ADGRB3: variants seen among roughly 807,000 people sequenced by gnomAD.
ADGRB3 encodes brain-specific angiogenesis inhibitor 3.
In ADGRB3, 37 loss-of-function variants were observed where a neutral mutation model predicts 193.4. The observed-to-expected ratio is 0.19, with a 90% CI of 0.15 to 0.25. The LOEUF (loss-of-function observed/expected upper bound fraction) is 0.25, where lower values mean the gene tolerates loss of function less well. Among genes scored for constraint, ADGRB3 ranks in the 10% least tolerant of loss-of-function variants. The probability of loss-of-function intolerance (pLI) is 1.00; values close to 1 mark genes in which losing one functional copy is unlikely to be tolerated. For missense variants in ADGRB3, 1,637 were observed against 1,852.9 expected, an observed-to-expected ratio of 0.88 and a Z score of 2.14; for synonymous variants, 690 against 644.2, an observed-to-expected ratio of 1.07 and a Z score of -1.08.
chr6:69,060,676 G>C lies in ADGRB3; in HGVS notation c.2334-2258G>C, dbSNP rs551551398. ...GAATAAAGAGACAAATGGAATTTGA[G>C]TGAAGCATCAATATTTTTGTTTTGC... On this transcript the variant is annotated intron_variant, in intron 15 of 31. Coordinates refer to ENST00000370598, the MANE Select transcript of ADGRB3 (RefSeq NM_001704.3). Among the ~76,000 whole-genome samples the C allele has an allele frequency of 3.3e-5, 5 of 152,194 alleles. No homozygotes were observed. The East Asian group carries it at 9.7e-4, about 29-fold the overall frequency.
At chr6:69,186,432 G>C (rs1450704326) in intron 17 of ADGRB3, among the ~76,000 whole-genome samples, 1 of 151,628 alleles carries the variant, frequency 6.6e-6, no homozygotes, top group Non-Finnish European at 1.5e-5. Context: ...TTTCTGTAAA[G>C]CCTTCCCTCC....
intron 6 of ADGRB3, among the ~76,000 whole-genome samples, chr6:68,947,850 C>T (rs1019618788): frequency 2.6e-5 from 4 of 152,098 alleles, no homozygotes; most frequent in Non-Finnish European, 1.5e-5. Flanking sequence ...TGTTAACGCC[C>T]TTCAACCAAA....
intron 6 of ADGRB3, among the ~76,000 whole-genome samples, chr6:68,954,308 A>T (rs941709655): frequency 2.6e-5 from 4 of 152,172 alleles, no homozygotes; most frequent in African/African-American, 9.6e-5. Flanking sequence ...ATTTCTGTGT[A>T]TCTTGTTAAC....
intron 3 of ADGRB3, among the ~76,000 whole-genome samples, chr6:68,877,702 A>G (rs1377765936): frequency 6.6e-6 from 1 of 152,132 alleles, no homozygotes; most frequent in Non-Finnish European, 1.5e-5. Context: ...TGGTTTAAAA[A>G]TACTTTACAT....
intron 3 of ADGRB3, among the ~76,000 whole-genome samples, chr6:68,642,728 C>CTTT (rs11351150): frequency 1.4e-5 from 2 of 143,950 alleles, no homozygotes; most frequent in Non-Finnish European, 3.0e-5. Context: ...AAAATGAAGC[C>CTTT]TTTTTTTTTT....
intron 17 of ADGRB3, among the ~76,000 whole-genome samples, chr6:69,156,273 T>C (rs1774837019): frequency 6.6e-6 from 1 of 152,130 alleles, no homozygotes; most frequent in Non-Finnish European, 1.5e-5. Context: ...CAAGATAGTA[T>C]GATAAAGAAT....
chr6:68,831,758 A>G (rs547198934), intron 3 of ADGRB3, among the ~76,000 whole-genome samples: 4 of 152,310 alleles, frequency 2.6e-5, no homozygotes, highest in Middle Eastern at 3.4e-3. Flanking sequence ...AGTCAAATGA[A>G]ATGAGAAATA....
chr6:69,230,633 T>C (rs749402954), intron 17 of ADGRB3, among the ~76,000 whole-genome samples: 1 of 152,244 alleles, frequency 6.6e-6, no homozygotes, highest in Non-Finnish European at 1.5e-5. Flanking sequence ...TCATGAGTTT[T>C]ATATGATTTA....
chr6:68,980,948 A>G lies in ADGRB3; in HGVS notation c.1734+5608A>G, dbSNP rs962443904. On this transcript the variant is annotated intron_variant, in intron 10 of 31. Transcript: ENST00000370598. ...AGTCACTCCAGACCAATTAAACAGG[A>G]TTGTTACCAGACCGTAGTACACATT... Among the ~76,000 whole-genome samples, 3 of 151,546 alleles carry G rather than the reference A, an allele frequency of 2.0e-5. 1 individual carries two copies. The highest frequency in any genetic ancestry group is 2.0e-4 in the Admixed American group (3 of 15,168).
intron 17 of ADGRB3, among the ~76,000 whole-genome samples, chr6:69,209,757 T>C (rs1765615304): frequency 1.3e-5 from 2 of 152,190 alleles, no homozygotes; most frequent in African/African-American, 4.8e-5. Flanking sequence ...ACATACCAGG[T>C]ACCAGATGTT....
intron 10 of ADGRB3, among the ~76,000 whole-genome samples, chr6:68,983,956 C>T (rs1177218116): frequency 6.6e-6 from 1 of 152,096 alleles, no homozygotes; most frequent in African/African-American, 2.4e-5. Flanking sequence ...ATGACTATGT[C>T]AGGAAATGAC....
chr6:68,875,566 C>A (rs1765575337), intron 3 of ADGRB3, among the ~76,000 whole-genome samples: 1 of 151,710 alleles, frequency 6.6e-6, no homozygotes, highest in South Asian at 2.1e-4. Flanking sequence ...CTATTATTTA[C>A]TGAGATTTTA....
chr6:69,361,645 G>C lies in ADGRB3; in HGVS notation c.4239+133G>C, dbSNP rs981289325. ...GAGAAGATTCACATTAGCTTTTGCAGTTTTGTATCATGAAAATTTCTGGCT... is the reference window on the plus strand; with the variant it reads ...GAGAAGATTCACATTAGCTTTTGCACTTTTGTATCATGAAAATTTCTGGCT... On this transcript the variant is annotated intron_variant, in intron 29 of 31. Coordinates refer to ENST00000370598, the MANE Select transcript of ADGRB3 (RefSeq NM_001704.3). 2.5e-5 allele frequency: 28 copies of C among 1,114,938 alleles called. No homozygotes were observed. The African/African-American group carries it at 4.1e-4, about 16-fold the overall frequency. The allele number at this position is 1,114,938 out of a possible 1,614,324, so 69.1% of individuals were successfully genotyped here.
chr6:68,945,376 G>GA (rs949650491), intron 6 of ADGRB3, among the ~76,000 whole-genome samples: 2 of 151,978 alleles, frequency 1.3e-5, no homozygotes, highest in Non-Finnish European at 2.9e-5. Context: ...ACCAGTACTA[G>GA]AAAATCTATT....
At chr6:69,275,944 G>A (rs1767294603) in intron 20 of ADGRB3, among the ~76,000 whole-genome samples, 1 of 152,128 alleles carries the variant, frequency 6.6e-6, no homozygotes, top group African/African-American at 2.4e-5. Flanking sequence ...CATGCTATAA[G>A]GTGGCTCTAG....
chr6:69,137,524 C>T (rs1463602612), intron 17 of ADGRB3, among the ~76,000 whole-genome samples: 1 of 152,102 alleles, frequency 6.6e-6, no homozygotes, highest in African/African-American at 2.4e-5. Flanking sequence ...CTTGTCCAGG[C>T]ATGGTGGCTC....
chr6:68,872,414 T>C (rs1013582890), intron 3 of ADGRB3, among the ~76,000 whole-genome samples: 1 of 152,040 alleles, frequency 6.6e-6, no homozygotes, highest in Non-Finnish European at 1.5e-5. Flanking sequence ...TATTATTTGA[T>C]GAGGAAAAAA....
intron 27 of ADGRB3, 50 bp downstream of exon 27, chr6:69,354,378 G>A (rs1361760445): frequency 1.4e-6 from 2 of 1,470,520 alleles, no homozygotes; most frequent in Non-Finnish European, 1.9e-6. Context: ...ATTTCTCAAG[G>A]GAATAAAAGA....
rs1159280737 is a variant in ADGRB3 at position 69,121,839 on chromosome 6, G to A, written c.2480+45801G>A. ...AGACAATGGGCGGCCGGGCAGAGGCGCTCCTCACCTCCCAGATGGGGTGGC... is the reference window on the plus strand; with the variant it reads ...AGACAATGGGCGGCCGGGCAGAGGCACTCCTCACCTCCCAGATGGGGTGGC... On this transcript the variant is annotated intron_variant, in intron 17 of 31. Transcript: ENST00000370598. Among the ~76,000 whole-genome samples the A allele has an allele frequency of 1.8e-3, 265 of 148,514 alleles. 3 individuals carry two copies. The highest frequency in any genetic ancestry group is 6.2e-3 in the African/African-American group (247 of 40,142).
Sources: gnomAD v4.1 joint callset for allele counts (sites outside exome capture counted in the v4.1 genomes callset) on GRCh38, gnomAD v4.1.1 for gene constraint, MANE v1.5 for transcripts, NCBI Gene and HGNC (gene_info 2026-07-23, HGNC 2026-07-21) for gene names.